The following EXT2 variants were observed in gnomAD, a reference collection of about 807,000 sequenced individuals.
EXT2 encodes exostosin glycosyltransferase 2, also known as exostosin-2.
In EXT2, 53 loss-of-function variants were observed where a neutral mutation model predicts 81.6. The ratio of observed to expected loss-of-function variants is 0.65; its 90% CI spans 0.52 to 0.82. The LOEUF (loss-of-function observed/expected upper bound fraction) is 0.82, where lower values mean the gene tolerates loss of function less well. EXT2 is among the 40% of genes least tolerant of loss of function. The pLI, the probability that EXT2 is intolerant of heterozygous loss-of-function variation, is 0.00. For missense variants in EXT2, 774 were observed against 910.2 expected, an observed-to-expected ratio of 0.85 and a Z score of 1.93; for synonymous variants, 320 against 340.0, an observed-to-expected ratio of 0.94 and a Z score of 0.65.
At chr11:44,184,332 C>T (rs1955278421) in intron 8 of EXT2, among the ~76,000 whole-genome samples, 2 of 152,150 alleles carry the variant, frequency 1.3e-5, no homozygotes, top group Non-Finnish European at 2.9e-5. Context: ...ATAGAGCATT[C>T]TTGGTTTAAT....
intron 10 of EXT2, among the ~76,000 whole-genome samples, chr11:44,225,300 G>A (rs1043974828): frequency 3.3e-5 from 5 of 152,146 alleles, no homozygotes; most frequent in East Asian, 1.9e-4. Flanking sequence ...CACAGATTAC[G>A]AGGTTCCAGT....
chr11:44,165,719 T>C (rs1246527461), intron 7 of EXT2, among the ~76,000 whole-genome samples: 1 of 152,194 alleles, frequency 6.6e-6, no homozygotes, highest in African/African-American at 2.4e-5. Context: ...AAAGAATATA[T>C]GATGATAGAC....
intron 9 of EXT2, among the ~76,000 whole-genome samples, chr11:44,204,272 G>A (rs1313123047): frequency 6.6e-6 from 1 of 152,174 alleles, no homozygotes; most frequent in Non-Finnish European, 1.5e-5. Context: ...AGAATCTACA[G>A]GTCATGAGTG....
chr11:44,122,828 C>CAT (rs2135009560), intron 4 of EXT2, among the ~76,000 whole-genome samples: 2 of 152,352 alleles, frequency 1.3e-5, no homozygotes, highest in African/African-American at 4.8e-5. Context: ...GCCCCAGCCA[C>CAT]ATATGGCTAT....
intron 10 of EXT2, among the ~76,000 whole-genome samples, chr11:44,209,924 C>T (rs1955627485): frequency 1.3e-5 from 2 of 152,218 alleles, no homozygotes; most frequent in Admixed American, 1.3e-4. Flanking sequence ...GTGCCTAACC[C>T]AGTTCATTGC....
In EXT2 at chr11:44,128,020, C is replaced by A. The variant is rs148772370; in HGVS notation, c.1079+1065C>A. Among the ~76,000 whole-genome samples, 205 of 152,344 alleles carry A rather than the reference C, an allele frequency of 1.3e-3. 1 individual carries two copies. Among genetic ancestry groups the A allele is most frequent in the African/African-American group, 4.8e-3 (199 of 41,586 alleles). ...AAATTAATTCCATTCATATCTATCTCTCAGTCTTTTCCTTGCCTCAAATGC... is the reference window on the plus strand; with the variant it reads ...AAATTAATTCCATTCATATCTATCTATCAGTCTTTTCCTTGCCTCAAATGC... On this transcript the variant is annotated intron_variant, in intron 6 of 13. Coordinates refer to ENST00000533608, the MANE Select transcript of EXT2 (RefSeq NM_207122.2).
intron 8 of EXT2, among the ~76,000 whole-genome samples, chr11:44,196,538 C>T (rs2135181810): frequency 6.6e-6 from 1 of 152,288 alleles, no homozygotes; most frequent in Middle Eastern, 3.4e-3. Flanking sequence ...TTTTTGTTCA[C>T]CAGTCTGGAA....
At chr11:44,201,155 G>A (rs1298075665) in intron 9 of EXT2, among the ~76,000 whole-genome samples, 1 of 152,206 alleles carries the variant, frequency 6.6e-6, no homozygotes, top group East Asian at 1.9e-4. Flanking sequence ...AGGGCATGCT[G>A]TTTCATTTAG....
At chr11:44,202,024 G>A (rs930160227) in intron 9 of EXT2, among the ~76,000 whole-genome samples, 2 of 152,170 alleles carry the variant, frequency 1.3e-5, no homozygotes, top group Non-Finnish European at 2.9e-5. Flanking sequence ...TTAGAGTTCT[G>A]CCTGGTGGTA....
chr11:44,207,092 G>A, intron 10 of EXT2, 133 bp downstream of exon 10: 1 of 1,019,784 alleles, frequency 9.8e-7, no homozygotes, highest in Non-Finnish European at 1.5e-6. Flanking sequence ...GAGTCCAAAA[G>A]GTGTGCGTAA....
chr11:44,176,839 G>A (rs922896660), intron 8 of EXT2, among the ~76,000 whole-genome samples: 1 of 151,252 alleles, frequency 6.6e-6, no homozygotes, highest in Admixed American at 6.6e-5. Context: ...CTCCAGCCAT[G>A]CACAGAGCTT....
intron 12 of EXT2, among the ~76,000 whole-genome samples, chr11:44,235,492 C>T (rs893173635): frequency 3.3e-5 from 5 of 151,962 alleles, no homozygotes; most frequent in Non-Finnish European, 5.9e-5. Context: ...GCAGTCCACC[C>T]GCTTCGGCCT....
At position 44,246,769 on chromosome 11, in the gene EXT2, T is replaced by C. The variant is rs1472831736; in HGVS notation, c.*2482T>C. Among the ~76,000 whole-genome samples, 2 of 152,242 alleles carry C rather than the reference T, an allele frequency of 1.3e-5. No homozygotes were observed. Among genetic ancestry groups the C allele is most frequent in the Non-Finnish European group, 2.9e-5 (2 of 68,042 alleles). ...CTCCACTTTATTGTTCGTGTATTTC[T>C]GAGCTGCTAACCAGCAAACCTCACC... On this transcript the variant is annotated 3_prime_UTR_variant, in exon 14 of 14. Transcript: ENST00000533608.
At position 44,165,872 on chromosome 11, in the gene EXT2, T is replaced by C. The variant is rs1411503346; in HGVS notation, c.1174-5739T>C. 5.3e-5 allele frequency among the ~76,000 whole-genome samples: 8 copies of C among 152,202 alleles called. No homozygotes were observed. In the East Asian group the frequency reaches 1.3e-3, roughly 26 times the overall value. On this transcript the variant is annotated intron_variant, in intron 7 of 13. Transcript: ENST00000533608. ...TGCTATGTGCTGGTGCTCTTAATGC[T>C]CTGGAATGGGGTAGAAAAAAGGTCT...
intron 3 of EXT2, among the ~76,000 whole-genome samples, chr11:44,112,640 G>A (rs889100215): frequency 2.6e-5 from 4 of 152,176 alleles, no homozygotes; most frequent in East Asian, 1.9e-4. Flanking sequence ...AATTGCAGTC[G>A]TGGCTCTTTT....
chr11:44,241,805 A>G (rs1386131938), intron 13 of EXT2, among the ~76,000 whole-genome samples: 4 of 152,236 alleles, frequency 2.6e-5, no homozygotes, highest in African/African-American at 9.6e-5. Flanking sequence ...GCAACCAGCC[A>G]AAGTCCTGTC....
At chr11:44,134,723 T>A (rs2135041109) in intron 7 of EXT2, among the ~76,000 whole-genome samples, 1 of 152,286 alleles carries the variant, frequency 6.6e-6, no homozygotes, top group South Asian at 2.1e-4. Context: ...TGTAAATGGA[T>A]CCCCAGTTTA....
rs575442362 is a variant in EXT2, at chr11:44,251,587, A to G, written c.*7300A>G. On this transcript the variant is annotated 3_prime_UTR_variant, in exon 14 of 14. Coordinates refer to ENST00000533608, the MANE Select transcript of EXT2 (RefSeq NM_207122.2). ...GATTACTCTGGTTAAATCACTCAGT[A>G]AAGAAATCTTTTCATGCTCACAATC... is the stretch of plus-strand genomic sequence containing the variant. Among the ~76,000 whole-genome samples the G allele has an allele frequency of 8.5e-5, 13 of 152,354 alleles. No homozygotes were observed. The highest frequency in any genetic ancestry group is 3.1e-4 in the African/African-American group (13 of 41,586).
At chr11:44,196,979 C>T (rs1193690625) in intron 8 of EXT2, among the ~76,000 whole-genome samples, 1 of 152,190 alleles carries the variant, frequency 6.6e-6, no homozygotes, top group African/African-American at 2.4e-5. Context: ...GAGGACTTCA[C>T]TGTAAGATGT....
Sources: gnomAD v4.1 joint callset for allele counts (sites outside exome capture counted in the v4.1 genomes callset) on GRCh38, gnomAD v4.1.1 for gene constraint, MANE v1.5 for transcripts, NCBI Gene and HGNC (gene_info 2026-07-23, HGNC 2026-07-21) for gene names.